Variants in MYCN observed in about 807,000 individuals in gnomAD.
MYCN encodes the protein N-myc proto-oncogene protein.
Under a neutral mutation model 28.1 loss-of-function variants are expected in MYCN, and 3 were observed. The ratio of observed to expected loss-of-function variants is 0.11; its 90% CI spans 0.05 to 0.28. MYCN has a LOEUF of 0.28. Among genes scored for constraint, MYCN ranks in the 10% least tolerant of loss-of-function variants. MYCN has a pLI of 1.00. For synonymous variants in MYCN, 326 were observed against 288.3 expected, an observed-to-expected ratio of 1.13 and a Z score of -1.32; for missense variants, 572 against 651.4, an observed-to-expected ratio of 0.88 and a Z score of 1.33.
chr2:15,942,792 A>G lies in MYCN; in HGVS notation c.728A>G (p.Gln243Arg). Residue 243 changes from glutamine (Q) to arginine (R), a missense_variant, in exon 2 of 3, where the codon CAG becomes CGG. By Grantham distance (43) the Gln-to-Arg change is conservative. Around this residue, in one of 3 missense-constraint regions of MYCN, gnomAD observed 499 missense variants for 524.3 expected, o/e 0.95. Transcript: ENST00000281043. This position sits in a 1 kb window ranked among gnomAD's most constrained non-coding sequence, Gnocchi z 7.0. ...GCCCCTCCGCGCCCAGGCGGCCGCC[A>G]GACCAGCGGCGGCGACCACAAGGCC... is the stretch of plus-strand genomic sequence containing the variant. ...GVAPPRPGGRQTSGGDHKALS... is the reference protein window; with the variant it reads ...GVAPPRPGGRRTSGGDHKALS... 1.3e-6 allele frequency: 2 copies of G among 1,501,274 alleles called. No homozygotes were observed. Among genetic ancestry groups the G allele is most frequent in the Non-Finnish European group, 1.8e-6 (2 of 1,128,466 alleles). 93.0% of individuals were successfully genotyped at this position (1,501,274 alleles called of 1,614,324 possible).
At position 15,942,443 on chromosome 2, in the gene MYCN, G is replaced by A. The variant is rs1486614688; in HGVS notation, c.379G>A (p.Glu127Lys). ...WSGFSAREKL[E>K]RAVSEKLQHG... ...CGGCTTCTCCGCCCGCGAGAAGCTG[G>A]AGCGCGCCGTGAGCGAGAAGCTGCA... Residue 127 changes from glutamate to lysine, a missense_variant, in exon 2 of 3, where the codon GAG becomes AAG. By Grantham distance (56) the Glu-to-Lys change is moderately conservative. Around this residue, in one of 3 missense-constraint regions of MYCN, gnomAD observed 499 missense variants for 524.3 expected, o/e 0.95. Coordinates refer to ENST00000281043, the MANE Select transcript of MYCN (RefSeq NM_005378.6). The surrounding 1 kb of genome is among the most constrained non-coding windows in gnomAD (Gnocchi z 7.0). The A allele has an allele frequency of 1.3e-6, 2 of 1,597,356 alleles. No homozygotes were observed. Among genetic ancestry groups the A allele is most frequent in the African/African-American group, 2.7e-5 (2 of 74,822 alleles).
In MYCN at chr2:15,940,678, G is replaced by GC. The variant is rs1200941109; in HGVS notation, c.-176dup. The GC allele has an allele frequency of 1.7e-4, 44 of 255,738 alleles. No homozygotes were observed. The highest frequency in any genetic ancestry group is 4.2e-4 in the East Asian group (6 of 14,392). The allele number at this position is 255,738 out of a possible 1,614,324, so 15.8% of individuals were successfully genotyped here. On this transcript the variant is annotated 5_prime_UTR_variant, in exon 1 of 3. The change creates a premature stop within an existing upstream ORF in the 5' untranslated region. Transcript: ENST00000281043. ...ACTGTAGCCATCCGAGGACACCCCC[G>GC]CCCCCCCGGCCCACCCGGAGACACC...
rs1305195556 is a variant in MYCN at position 15,945,306 on chromosome 2, T to TA, written c.791-186dup. Among the ~76,000 whole-genome samples the TA allele has an allele frequency of 6.6e-6, 1 of 152,144 alleles. No individual in the cohort carries two copies. Among genetic ancestry groups the TA allele is most frequent in the African/African-American group, 2.4e-5 (1 of 41,444 alleles). On this transcript the variant is annotated intron_variant, in intron 2 of 2. Coordinates refer to ENST00000281043, the MANE Select transcript of MYCN (RefSeq NM_005378.6). The surrounding 1 kb of genome is among the most constrained non-coding windows in gnomAD (Gnocchi z 4.8). ...TGAGTCACCGCGTCCGGCCTACAGATATATTTAATTTAAAGAGATCTAAAA... is the reference window on the plus strand; with the variant it reads ...TGAGTCACCGCGTCCGGCCTACAGATAATATTTAATTTAAAGAGATCTAAAA...
chr2:15,944,490 G>A (rs1662807349), intron 2 of MYCN, among the ~76,000 whole-genome samples: 1 of 152,152 alleles, frequency 6.6e-6, no homozygotes, highest in Admixed American at 6.5e-5. Flanking sequence ...ATAAAACTCA[G>A]GTTTGTGGAC....
chr2:15,944,042 C>G (rs903740302), intron 2 of MYCN, among the ~76,000 whole-genome samples: 6 of 152,040 alleles, frequency 3.9e-5, no homozygotes, highest in African/African-American at 1.5e-4. Context: ...TGGTGATAAG[C>G]CTCCAGTTTG....
rs1187954063 is a variant in MYCN at position 15,945,660 on chromosome 2, C to T, written c.958C>T (p.Leu320Phe). Residue 320 changes from leucine (L) to phenylalanine (F), a missense_variant, in exon 3 of 3, where the codon CTC becomes TTC. By Grantham distance (22) the Leu-to-Phe change is conservative. Transcript: ENST00000281043. The surrounding 1 kb of genome is among the most constrained non-coding windows in gnomAD (Gnocchi z 4.8). ...PGRAQSSELI[L>F]KRCLPIHQQH... Reference sequence around the variant, plus strand: ...GAGGGCTCAGTCCAGCGAGCTGATCCTCAAACGATGCCTTCCCATCCACCA... The same window carrying T: ...GAGGGCTCAGTCCAGCGAGCTGATCTTCAAACGATGCCTTCCCATCCACCA... 6 of 1,614,190 alleles carry T rather than the reference C, an allele frequency of 3.7e-6. No individual in the cohort carries two copies. In the African/African-American group the frequency reaches 6.7e-5, roughly 18 times the overall value.
rs1662876142 is a variant in MYCN at position 15,946,438 on chromosome 2, T to C, written c.*341T>C. ...CATTCCTTCTTTTTAAAATGGTGCT[T>C]AAGTTCCAGCAGATGCCACATAAGG... On this transcript the variant is annotated 3_prime_UTR_variant, in exon 3 of 3. Transcript: ENST00000281043. 2.3e-6 allele frequency: 1 copy of C among 432,992 alleles called. No individual in the cohort carries two copies. The highest frequency in any genetic ancestry group is 3.7e-5 in the Admixed American group (1 of 27,038). 26.8% of individuals were successfully genotyped at this position (432,992 alleles called of 1,614,324 possible). A position where few individuals can be genotyped will look rare whatever the true frequency, so the allele number is the denominator to read the frequency against.
At chr2:15,944,264 T>C (rs1055895916) in intron 2 of MYCN, among the ~76,000 whole-genome samples, 1 of 152,194 alleles carries the variant, frequency 6.6e-6, no homozygotes, top group Non-Finnish European at 1.5e-5. Context: ...GTTTTGATTT[T>C]CATGCTTGTA....
Position 15,942,141 on chromosome 2 carries a change from C to T in MYCN, c.77C>T (p.Pro26Leu), listed in dbSNP as rs1662700407. 1.9e-6 allele frequency: 3 copies of T among 1,613,858 alleles called. No homozygotes were observed. The highest frequency in any genetic ancestry group is 2.2e-5 in the East Asian group (1 of 44,872). ...GACCTCGAGTTTGACTCGCTACAGC[C>T]CTGCTTCTACCCGGACGAAGATGAC... is the stretch of plus-strand genomic sequence containing the variant. ...NPDLEFDSLQ[P>L]CFYPDEDDFY... The change falls in exon 2 of 3, where the codon CCC becomes CTC. Residue 26 changes from proline to leucine, a missense_variant. Physicochemically the swap from Pro to Leu is moderately conservative, Grantham distance 98. Coordinates refer to ENST00000281043, the MANE Select transcript of MYCN (RefSeq NM_005378.6). The surrounding 1 kb of genome is among the most constrained non-coding windows in gnomAD (Gnocchi z 7.0).
intron 1 of MYCN, 182 bp downstream of exon 1, chr2:15,940,925 A>G (rs887812796): frequency 1.5e-5 from 6 of 396,480 alleles, no homozygotes; most frequent in Middle Eastern, 6.2e-4. Flanking sequence ...CCAGCCCCGA[A>G]GGCATCCTGG....
At chr2:15,940,810 C>T (rs1407808039) in intron 1 of MYCN, 67 bp downstream of exon 1, 1 of 398,356 alleles carries the variant, frequency 2.5e-6, no homozygotes, top group Non-Finnish European at 4.4e-6. Flanking sequence ...CAAGGCAAGC[C>T]CTGGACGGGA....
chr2:15,942,726 C>A lies in MYCN; in HGVS notation c.662C>A (p.Ser221Ter). Residue 221 changes from serine to a stop codon, truncating the protein, a stop_gained, in exon 2 of 3, where the codon TCG becomes TAG. Coordinates refer to ENST00000281043, the MANE Select transcript of MYCN (RefSeq NM_005378.6). LOFTEE classifies it high-confidence loss of function. This position sits in a 1 kb window ranked among gnomAD's most constrained non-coding sequence, Gnocchi z 7.0. ...SAPAAGPAVA[S>*]GAGIAAPAGA... ...CCGGCGGCGGGCCCTGCGGTCGCCT[C>A]GGGGGCGGGTATTGCCGCCCCAGCC... 1 of 1,266,370 alleles carries A rather than the reference C, an allele frequency of 7.9e-7. No homozygotes were observed. Among genetic ancestry groups the A allele is most frequent in the East Asian group, 3.4e-5 (1 of 29,152 alleles). The allele number at this position is 1,266,370 out of a possible 1,614,324, so 78.4% of individuals were successfully genotyped here.
Position 15,946,152 on chromosome 2 carries a change from TAAACAAAC to T in MYCN, c.*57_*64del. 1 of 1,609,638 alleles carries T rather than the reference TAAACAAAC, an allele frequency of 6.2e-7. No individual in the cohort carries two copies. The highest frequency in any genetic ancestry group is 8.5e-7 in the Non-Finnish European group (1 of 1,176,782). Reference sequence around the variant, plus strand: ...ACTTTGCACATTTTGATTTTTTTTTTAAACAAACATTGTGTTGACATTAAGAATGTTGG... The same window carrying T: ...ACTTTGCACATTTTGATTTTTTTTTTATTGTGTTGACATTAAGAATGTTGG... On this transcript the variant is annotated 3_prime_UTR_variant, in exon 3 of 3. Transcript: ENST00000281043.
rs1434365878 is a variant in MYCN at position 15,942,482 on chromosome 2, C to T, written c.418C>T (p.Pro140Ser). Residue 140 changes from proline (P) to serine (S), a missense_variant, in exon 2 of 3, where the codon CCG becomes TCG. This residue lies in a region of MYCN where 499 missense variants were observed against 524.3 expected (regional missense o/e 0.95). Coordinates refer to ENST00000281043, the MANE Select transcript of MYCN (RefSeq NM_005378.6). The surrounding 1 kb of genome is among the most constrained non-coding windows in gnomAD (Gnocchi z 7.0). ...CGAGAAGCTGCAGCACGGCCGCGGGCCGCCAACCGCCGGTTCCACCGCCCA... is the reference window on the plus strand; with the variant it reads ...CGAGAAGCTGCAGCACGGCCGCGGGTCGCCAACCGCCGGTTCCACCGCCCA... ...VSEKLQHGRG[P>S]PTAGSTAQSP... 1.3e-6 allele frequency: 2 copies of T among 1,553,182 alleles called. No individual in the cohort carries two copies. The highest frequency in any genetic ancestry group is 1.7e-6 in the Non-Finnish European group (2 of 1,154,554).
chr2:15,940,595 G>A lies in MYCN; in HGVS notation c.-266G>A, dbSNP rs1051172316. ...CTGGACGCGCTGGGTGGATGCGGGG[G>A]GCTCCTGGGAACTGTGTTGGAGCCG... On this transcript the variant is annotated 5_prime_UTR_variant, in exon 1 of 3. Transcript: ENST00000281043. 2.5e-6 allele frequency: 1 copy of A among 400,254 alleles called. No individual in the cohort carries two copies. Among genetic ancestry groups the A allele is most frequent in the Admixed American group, 4.4e-5 (1 of 22,726 alleles). The allele number at this position is 400,254 out of a possible 1,614,324, so 24.8% of individuals were successfully genotyped here.
chr2:15,942,874 C>G lies in MYCN; in HGVS notation c.790+20C>G. 1 of 1,572,204 alleles carries G rather than the reference C, an allele frequency of 6.4e-7. No individual in the cohort carries two copies. Among genetic ancestry groups the G allele is most frequent in the South Asian group, 1.1e-5 (1 of 87,764 alleles). The stretch of plus-strand genomic sequence containing the variant: ...ATTCAGGTAAAGACCGAACTCGGGT[C>G]CGGCTGCCTCCCTGGGGCACTGGAC... On this transcript the variant is annotated intron_variant, in intron 2 of 2. Transcript: ENST00000281043. This position sits in a 1 kb window ranked among gnomAD's most constrained non-coding sequence, Gnocchi z 7.0.
At chr2:15,943,423 T>C (rs745962342) in intron 2 of MYCN, among the ~76,000 whole-genome samples, 2 of 131,576 alleles carry the variant, frequency 1.5e-5, no homozygotes, top group East Asian at 2.5e-4. Context: ...TTTTTTCAAA[T>C]GTCGGTACCT....
chr2:15,944,972 ATATG>A (rs34039085), intron 2 of MYCN, among the ~76,000 whole-genome samples: 56,899 of 151,262 alleles, frequency 0.38, 11,927 homozygotes, highest in East Asian at 0.75. Flanking sequence ...ACATATATGT[ATATG>A]TATGTATGTA....
chr2:15,942,989 C>T lies in MYCN; in HGVS notation c.790+135C>T. The T allele has an allele frequency of 1.8e-6, 2 of 1,140,428 alleles. No individual in the cohort carries two copies. The highest frequency in any genetic ancestry group is 2.6e-4 in the Middle Eastern group (1 of 3,802). The allele number at this position is 1,140,428 out of a possible 1,614,324, so 70.6% of individuals were successfully genotyped here. ...GCTAGGGGCAGAGAGGTCCTGTTTCCCCCAAGTCTCTCCTCGGGGTAAAGA... is the reference window on the plus strand; with the variant it reads ...GCTAGGGGCAGAGAGGTCCTGTTTCTCCCAAGTCTCTCCTCGGGGTAAAGA... On this transcript the variant is annotated intron_variant, in intron 2 of 2. Coordinates refer to ENST00000281043, the MANE Select transcript of MYCN (RefSeq NM_005378.6). The surrounding 1 kb of genome is among the most constrained non-coding windows in gnomAD (Gnocchi z 7.0).
Sources: gnomAD v4.1 joint callset for allele counts (sites outside exome capture counted in the v4.1 genomes callset) on GRCh38, gnomAD v4.1.1 for gene constraint, gnomAD v4.1.1 regional missense constraint, Gnocchi (gnomAD v3.1) non-coding constraint, MANE v1.5 for transcripts, NCBI Gene and HGNC (gene_info 2026-07-23, HGNC 2026-07-21) for gene names.